VCAN: variants seen among roughly 807,000 people sequenced by gnomAD.
The protein encoded by VCAN is versican core protein.
VCAN carries 44 observed loss-of-function variants against 245.5 expected under a neutral mutation model. The ratio of observed to expected loss-of-function variants is 0.18; its 90% CI spans 0.14 to 0.23. The LOEUF is 0.23. VCAN is among the 10% of genes least tolerant of loss of function. The pLI is 1.00. For synonymous variants in VCAN, 1,413 were observed against 1,437.0 expected (o/e 0.98, Z 0.38); for missense variants, 3,793 against 4,057.9 (o/e 0.93, Z 1.77).
chr5:83,513,213 C>G (rs1745723754), intron 6 of VCAN, among the ~76,000 whole-genome samples: 1 of 152,132 alleles, frequency 6.6e-6, no homozygotes, highest in Non-Finnish European at 1.5e-5. Flanking sequence ...ACTGAACCAT[C>G]TATACTATGC....
chr5:83,518,181 A>C (rs761876309), intron 6 of VCAN, among the ~76,000 whole-genome samples: 21 of 152,140 alleles, frequency 1.4e-4, no homozygotes, highest in Non-Finnish European at 2.8e-4. Flanking sequence ...TCTTCAGGAC[A>C]GTTCTTTTGA....
chr5:83,513,141 G>A (rs1439365495), intron 6 of VCAN, among the ~76,000 whole-genome samples: 1 of 152,052 alleles, frequency 6.6e-6, no homozygotes, highest in Non-Finnish European at 1.5e-5. Flanking sequence ...ACATGATATA[G>A]TATCATAGTT....
intron 2 of VCAN, among the ~76,000 whole-genome samples, chr5:83,487,164 T>C (rs952542847): frequency 1.3e-5 from 2 of 152,224 alleles, no homozygotes; most frequent in Non-Finnish European, 2.9e-5. Context: ...CAGTCGTGAA[T>C]AAGTGAATGA....
In VCAN at chr5:83,542,329, G is replaced by T. The variant is rs535213272; in HGVS notation, c.9265+61G>T. On this transcript the variant is annotated intron_variant, in intron 8 of 14. Transcript: ENST00000265077. ...CTGGAAACAGTCCCTTGGTGCTAAC[G>T]TTTATATGTATGTAATTTTTATTGT... is the stretch of plus-strand genomic sequence containing the variant. 4 of 1,523,114 alleles carry T rather than the reference G, an allele frequency of 2.6e-6. No individual in the cohort carries two copies. In the African/African-American group the frequency reaches 5.5e-5, roughly 21 times the overall value. The allele number at this position is 1,523,114 out of a possible 1,614,324, so 94.3% of individuals were successfully genotyped here. A position where few individuals can be genotyped will look rare whatever the true frequency, so the allele number is the denominator to read the frequency against.
chr5:83,536,305 A>G (rs1289851683), intron 7 of VCAN: 3 of 152,152 alleles, frequency 2.0e-5, no homozygotes, highest in African/African-American at 7.2e-5. Context: ...GCTATTTCCA[A>G]TAGAGCCCGC....
In VCAN at chr5:83,542,127, G is replaced by C. The variant is rs144214095; in HGVS notation, c.9124G>C (p.Asp3042His). Residue 3042 changes from aspartate (D) to histidine (H), a missense_variant, in exon 8 of 15, where the codon GAT (aspartate) becomes CAT (histidine). By Grantham distance (81) the Asp-to-His change is moderately conservative. Transcript: ENST00000265077. ...QVAARILDSN[D>H]QATVNPVEFN... ...GGCAGCGAGAATTCTTGATTCCAAT[G>C]ATCAGGCAACAGTAAACCCTGTGGA... 1 of 1,614,082 alleles carries C rather than the reference G, an allele frequency of 6.2e-7. No homozygotes were observed. The highest frequency in any genetic ancestry group is 8.5e-7 in the Non-Finnish European group (1 of 1,179,968).
intron 12 of VCAN, among the ~76,000 whole-genome samples, chr5:83,566,408 T>C (rs160187): frequency 0.82 from 124,817 of 152,130 alleles, 51,507 homozygotes; most frequent in African/African-American, 0.9. Flanking sequence ...TTTAGGTCAT[T>C]GATCATGGCC....
At chr5:83,547,357 A>C (rs1747266585) in intron 9 of VCAN, among the ~76,000 whole-genome samples, 1 of 152,046 alleles carries the variant, frequency 6.6e-6, no homozygotes, top group African/African-American at 2.4e-5. Context: ...GATTTTTAAC[A>C]TTCTTAGGTG....
chr5:83,570,043 A>C (rs1263318339), intron 12 of VCAN, among the ~76,000 whole-genome samples: 2 of 151,976 alleles, frequency 1.3e-5, no homozygotes, highest in African/African-American at 4.8e-5. Flanking sequence ...AAAGAAAAAA[A>C]AAGGGAAATA....
At chr5:83,542,315 C>T in intron 8 of VCAN, 47 bp downstream of exon 8, 1 of 1,564,896 alleles carries the variant, frequency 6.4e-7, no homozygotes, top group Non-Finnish European at 8.7e-7. Context: ...TGGAAACAGT[C>T]CCTTGGTGCT....
Position 83,580,382 on chromosome 5 carries a change from C to T in VCAN, c.10139C>T (p.Thr3380Ile), listed in dbSNP as rs144990569. The change falls in exon 15 of 15, where the codon ACA becomes ATA. Residue 3380 changes from threonine to isoleucine, a missense_variant. This residue lies in a region of VCAN where 37 missense variants were observed against 28.2 expected (regional missense o/e 1.31). Transcript: ENST00000265077. The part of the protein sequence containing the change: ...SSSAKDNSIN[T>I]SKHDHRWSRR... ...TCAGCAAAGGACAATTCAATAAATA[C>T]ATCCAAACATGATCATCGTTGGAGC... The T allele has an allele frequency of 6.2e-6, 10 of 1,613,814 alleles. No homozygotes were observed. Among genetic ancestry groups the T allele is most frequent in the South Asian group, 1.1e-5 (1 of 91,082 alleles).
intron 5 of VCAN, among the ~76,000 whole-genome samples, chr5:83,498,821 A>G (rs921155201): frequency 6.6e-6 from 1 of 152,102 alleles, no homozygotes; most frequent in Non-Finnish European, 1.5e-5. Context: ...CCTTCAGGGG[A>G]TCTGTTTTAC....
chr5:83,550,692 G>C (rs1205746159), intron 10 of VCAN, among the ~76,000 whole-genome samples: 1 of 151,924 alleles, frequency 6.6e-6, no homozygotes, highest in East Asian at 1.9e-4. Context: ...TTCGAGACCA[G>C]CCTGGCCAAC....
At chr5:83,546,738 C>G (rs893059997) in intron 9 of VCAN, among the ~76,000 whole-genome samples, 8 of 152,054 alleles carry the variant, frequency 5.3e-5, no homozygotes, top group African/African-American at 1.9e-4. Context: ...GTGTCTGGCA[C>G]TCAGCAAGCA....
chr5:83,554,799 C>CA (rs1425977010), intron 11 of VCAN, among the ~76,000 whole-genome samples, 157 bp from the exon 12 acceptor site: 2 of 152,006 alleles, frequency 1.3e-5, no homozygotes, highest in Non-Finnish European at 2.9e-5. Context: ...GGCAGAAGAA[C>CA]AAAAGGTAGA....
intron 8 of VCAN, among the ~76,000 whole-genome samples, chr5:83,543,866 T>G (rs1747097309): frequency 6.6e-6 from 1 of 152,208 alleles, no homozygotes; most frequent in Non-Finnish European, 1.5e-5. Flanking sequence ...ACCTGGTCTA[T>G]CTGTTGCAGA....
intron 5 of VCAN, among the ~76,000 whole-genome samples, chr5:83,500,829 A>G (rs1745308867): frequency 6.6e-6 from 1 of 152,180 alleles, no homozygotes. Context: ...ATTGGATTAC[A>G]ATGATTGGGA....
intron 7 of VCAN, among the ~76,000 whole-genome samples, chr5:83,525,403 T>G (rs951760512): frequency 1.3e-5 from 2 of 152,156 alleles, no homozygotes; most frequent in African/African-American, 2.4e-5. Flanking sequence ...CTCCAGATTT[T>G]TTTTAAAAGA....
intron 1 of VCAN, among the ~76,000 whole-genome samples, chr5:83,473,561 T>C (rs1744274922): frequency 6.6e-6 from 1 of 152,044 alleles, no homozygotes; most frequent in South Asian, 2.1e-4. Context: ...AGCTGACAAA[T>C]GAATGGCTAG....
Sources: allele counts gnomAD v4.1 joint callset (sites outside exome capture counted in the v4.1 genomes callset), GRCh38; gene constraint gnomAD v4.1.1; regional missense constraint gnomAD v4.1.1; transcripts MANE v1.5; gene names NCBI Gene and HGNC (gene_info 2026-07-23, HGNC 2026-07-21).